The following USH2A variants were observed in gnomAD, a reference collection of about 807,000 sequenced individuals.
USH2A encodes usherin, also known as Usher syndrome 2A (autosomal recessive, mild).
USH2A carries 443 observed loss-of-function variants against 538.9 expected under a neutral mutation model. The ratio of observed to expected loss-of-function variants is 0.82; its 90% CI spans 0.76 to 0.89. The LOEUF is 0.89. Ranked by LOEUF, USH2A falls within the 40% of genes least tolerant of loss-of-function variation. USH2A has a pLI of 0.00. For synonymous variants in USH2A, 2,413 were observed against 2,273.5 expected, an observed-to-expected ratio of 1.06 and a Z score of -1.75; for missense variants, 6,633 against 6,324.8, an observed-to-expected ratio of 1.05 and a Z score of -1.65.
chr1:215,810,217 A>AGAC (rs1662627759), intron 49 of USH2A, among the ~76,000 whole-genome samples: 1 of 152,230 alleles, frequency 6.6e-6, no homozygotes, highest in Non-Finnish European at 1.5e-5. Context: ...TTATACATAC[A>AGAC]GACAATACAT....
chr1:215,810,917 A>C (rs12076361), intron 49 of USH2A, among the ~76,000 whole-genome samples: 3,287 of 152,258 alleles, frequency 0.022, 118 homozygotes, highest in African/African-American at 0.075. Flanking sequence ...AAATAACAGC[A>C]CTGCTATACA....
At chr1:215,801,497 GA>G (rs1266547228) in intron 49 of USH2A, among the ~76,000 whole-genome samples, 4 of 150,228 alleles carry the variant, frequency 2.7e-5, no homozygotes, top group Non-Finnish European at 5.9e-5. Flanking sequence ...CACTAAGAAT[GA>G]ACAACATGAA....
Position 216,324,137 on chromosome 1 carries a change from T to C in USH2A, c.1328+31A>G, listed in dbSNP as rs769565538. The C allele has an allele frequency of 9.4e-6, 15 of 1,601,836 alleles. No individual in the cohort carries two copies. In the South Asian group the frequency reaches 1.3e-4, roughly 14 times the overall value. On this transcript the variant is annotated intron_variant, in intron 7 of 71. Transcript: ENST00000307340. ...GTACATTATTAATAACCAATCAGTC[T>C]ATTAAATTAATTGTTTAAAAATATT...
rs1558082909 is a variant in USH2A, at chr1:216,423,276, C to G, written c.-267G>C. The G allele has an allele frequency of 6.6e-6, 1 of 152,192 alleles. No homozygotes were observed. Among genetic ancestry groups the G allele is most frequent in the Non-Finnish European group, 1.5e-5 (1 of 68,038 alleles). 9.4% of individuals were successfully genotyped at this position (152,192 alleles called of 1,614,324 possible). A position where few individuals can be genotyped will look rare whatever the true frequency, so the allele number is the denominator to read the frequency against. Reference sequence around the variant, plus strand: ...GACAAATGGCTCTTCAACAGGACCGCTGTCCCTCGTTGCCTGGCAACGCTG... The same window carrying G: ...GACAAATGGCTCTTCAACAGGACCGGTGTCCCTCGTTGCCTGGCAACGCTG... On this transcript the variant is annotated 5_prime_UTR_variant, in exon 1 of 72. Coordinates refer to ENST00000307340, the MANE Select transcript of USH2A (RefSeq NM_206933.4).
intron 55 of USH2A, among the ~76,000 whole-genome samples, chr1:215,768,270 A>G (rs1661187899): frequency 6.6e-6 from 1 of 152,126 alleles, no homozygotes; most frequent in Non-Finnish European, 1.5e-5. Context: ...CTTTAGATGT[A>G]TGCTCTGAAA....
intron 4 of USH2A, among the ~76,000 whole-genome samples, chr1:216,359,938 C>A (rs975532101): frequency 6.6e-6 from 1 of 152,040 alleles, no homozygotes; most frequent in African/African-American, 2.4e-5. Context: ...GGATGTGGGG[C>A]AACAGGGACT....
intron 61 of USH2A, among the ~76,000 whole-genome samples, chr1:215,727,622 G>C (rs562205200): frequency 1.6e-4 from 24 of 152,158 alleles, no homozygotes; most frequent in South Asian, 1.0e-3. Flanking sequence ...CTACTCAGGA[G>C]GCTGAGGCAG....
intron 64 of USH2A, among the ~76,000 whole-genome samples, chr1:215,652,365 C>T (rs939985417): frequency 2.0e-5 from 3 of 152,226 alleles, no homozygotes; most frequent in Non-Finnish European, 2.9e-5. Flanking sequence ...AATTAAACGA[C>T]TTGTCCATAG....
In USH2A at chr1:215,741,398, G is replaced by A; in HGVS notation, c.11688C>T (p.Ile3896=). 6.2e-7 allele frequency: 1 copy of A among 1,613,980 alleles called. No homozygotes were observed. Among genetic ancestry groups the A allele is most frequent in the East Asian group, 2.2e-5 (1 of 44,836 alleles). Residue 3896 remains isoleucine, a synonymous_variant, in exon 60 of 72, where the codon ATC becomes ATT. Coordinates refer to ENST00000307340, the MANE Select transcript of USH2A (RefSeq NM_206933.4). The part of the protein sequence containing the change: ...KWMPPEKPNG[I]IINYFIYRRP... ...ACCTGTAAATAAAGTAGTTGATGAT[G>A]ATTCCATTTGGTTTTTCAGGTGGCA...
rs183688121 is a variant in USH2A, at chr1:216,071,060, A to T, written c.5858-768T>A. On this transcript the variant is annotated intron_variant, in intron 29 of 71. Transcript: ENST00000307340. ...ATTAGACATTTCTACAGTTCTGATC[A>T]GTAAAAACTTCATCACAGCTGAGTG... Among the ~76,000 whole-genome samples, 271 of 152,294 alleles carry T rather than the reference A, an allele frequency of 1.8e-3. 2 individuals carry two copies. Among genetic ancestry groups the T allele is most frequent in the Non-Finnish European group, 4.0e-4 (27 of 68,028 alleles).
intron 43 of USH2A, among the ~76,000 whole-genome samples, chr1:215,867,526 C>G (rs1664506581): frequency 1.3e-5 from 2 of 152,218 alleles, no homozygotes. Flanking sequence ...ATCAGGCAAC[C>G]TGCCAGCTTT....
At chr1:215,897,851 G>GTGCT (rs1379544308) in intron 40 of USH2A, among the ~76,000 whole-genome samples, 3 of 152,180 alleles carry the variant, frequency 2.0e-5, no homozygotes, top group Non-Finnish European at 2.9e-5. Context: ...TGAGCAGGAG[G>GTGCT]TGCTGGTCAG....
rs865822292 is a variant in USH2A at position 215,934,747 on chromosome 1, C to T, written c.7169G>A (p.Gly2390Glu). 1 of 1,612,700 alleles carries T rather than the reference C, an allele frequency of 6.2e-7. No homozygotes were observed. Among genetic ancestry groups the T allele is most frequent in the Non-Finnish European group, 8.5e-7 (1 of 1,179,054 alleles). ...GAGCACCCAAAGGTTTGTCTCTTCT[C>T]CGCTGTACATGACTTTTGTGACATT... is the stretch of plus-strand genomic sequence containing the variant. ...LLNVTKVMYSGEETNLWVLID... is the reference protein window; with the variant it reads ...LLNVTKVMYSEEETNLWVLID... Residue 2390 changes from glycine to glutamate, a missense_variant, in exon 38 of 72, where the codon GGA becomes GAA. By Grantham distance (98) the Gly-to-Glu change is moderately conservative. Transcript: ENST00000307340.
chr1:216,062,769 C>G (rs867082079), intron 30 of USH2A, among the ~76,000 whole-genome samples: 3 of 152,058 alleles, frequency 2.0e-5, no homozygotes, highest in African/African-American at 7.2e-5. Flanking sequence ...AGGAAGACAA[C>G]CTAGGAAGAA....
At chr1:215,947,655 G>A (rs1159560132) in intron 37 of USH2A, among the ~76,000 whole-genome samples, 1 of 152,160 alleles carries the variant, frequency 6.6e-6, no homozygotes, top group African/African-American at 2.4e-5. Context: ...GCTGATTTCA[G>A]AACAACTTAG....
rs79864683 is a variant in USH2A at position 216,144,324 on chromosome 1, A to G, written c.4627+30928T>C. 6.3e-3 allele frequency among the ~76,000 whole-genome samples: 952 copies of G among 152,208 alleles called. 6 individuals carry two copies. The highest frequency in any genetic ancestry group is 9.2e-3 in the Non-Finnish European group (627 of 67,994). On this transcript the variant is annotated intron_variant, in intron 21 of 71. Transcript: ENST00000307340. ...TTAACTATCCCAGAACAAATTATGC[A>G]TTCTGGACTGCAGGGTTTTTTGCTT...
chr1:215,630,133 T>C (rs528881499), intron 70 of USH2A: 6 of 516,454 alleles, frequency 1.2e-5, no homozygotes, highest in African/African-American at 9.6e-5. Context: ...TGCTTTTCAC[T>C]GTGCAGTCAA....
chr1:216,365,892 T>C (rs1216565200), intron 3 of USH2A, among the ~76,000 whole-genome samples: 2 of 152,276 alleles, frequency 1.3e-5, no homozygotes, highest in East Asian at 3.9e-4. Flanking sequence ...ACCCACAGGT[T>C]GTAGCTTGAT....
intron 19 of USH2A, among the ~76,000 whole-genome samples, chr1:216,192,043 A>T (rs1439885405): frequency 6.6e-6 from 1 of 152,086 alleles, no homozygotes; most frequent in Non-Finnish European, 1.5e-5. Context: ...ACATAGAGTC[A>T]ATTTATAAGT....
Sources: allele counts gnomAD v4.1 joint callset (sites outside exome capture counted in the v4.1 genomes callset), GRCh38; gene constraint gnomAD v4.1.1; transcripts MANE v1.5; gene names NCBI Gene and HGNC (gene_info 2026-07-23, HGNC 2026-07-21).